Variants in SLC66A1 observed in about 807,000 individuals in gnomAD.
The protein encoded by SLC66A1 is lysosomal amino acid transporter 1 homolog.
SLC66A1 carries 23 observed loss-of-function variants against 33.0 expected under a neutral mutation model. The observed-to-expected ratio is 0.70, with a 90% CI of 0.50 to 0.99. SLC66A1 has a LOEUF of 0.99. SLC66A1 is among the 50% of genes least tolerant of loss of function. SLC66A1 has a pLI of 0.00. For synonymous variants in SLC66A1, 164 were observed against 175.5 expected (o/e 0.93, Z 0.52); for missense variants, 335 against 383.6 (o/e 0.87, Z 1.06).
chr1:19,328,613 C>G lies in SLC66A1; in HGVS notation c.846C>G (p.Ala282=). 1.2e-6 allele frequency: 2 copies of G among 1,613,844 alleles called. No homozygotes were observed. The highest frequency in any genetic ancestry group is 1.1e-5 in the South Asian group (1 of 91,070). Residue 282 remains alanine, a synonymous_variant, in exon 8 of 8, where the codon GCC becomes GCG. Coordinates refer to ENST00000375153, the MANE Select transcript of SLC66A1 (RefSeq NM_001040125.2). The surrounding 1 kb of genome is among the most constrained non-coding windows in gnomAD (Gnocchi z 4.7). ...QFLVYRRSTA[A]SELEPLLPS Reference sequence around the variant, plus strand: ...TGGTGTACAGGCGCAGCACCGCCGCCTCGGAGCTTGAGCCCCTCCTCCCCA... The same window carrying G: ...TGGTGTACAGGCGCAGCACCGCCGCGTCGGAGCTTGAGCCCCTCCTCCCCA...
At chr1:19,325,647 G>GGGGGGC in intron 4 of SLC66A1, 65 bp downstream of exon 4, 1 of 1,190,480 alleles carries the variant, frequency 8.4e-7, no homozygotes, top group Non-Finnish European at 1.2e-6. Context: ...GTGGGGGGGG[G>GGGGGGC]CGCCTGGAGT....
Position 19,325,570 on chromosome 1 carries a change from C to T in SLC66A1, c.370C>T (p.Arg124Cys), listed in dbSNP as rs192798111. The T allele has an allele frequency of 2.3e-5, 37 of 1,599,080 alleles. No homozygotes were observed. In the East Asian group the frequency reaches 2.9e-4, roughly 13 times the overall value. The part of the protein sequence containing the change: ...TLYFYYKFRT[R>C]PSLLSAPINS... ...GTACTTTTACTACAAGTTCAGGACG[C>T]GCCCCTCTCTGTGTGAGTATGGGGA... The change falls in exon 4 of 8, where the codon CGC (arginine) becomes TGC (cysteine). Residue 124 changes from arginine to cysteine, a missense_variant. By Grantham distance (180) the Arg-to-Cys change is radical. Coordinates refer to ENST00000375153, the MANE Select transcript of SLC66A1 (RefSeq NM_001040125.2).
chr1:19,322,650 A>T (rs2093843606), intron 2 of SLC66A1, among the ~76,000 whole-genome samples: 2 of 152,112 alleles, frequency 1.3e-5, no homozygotes, highest in Admixed American at 1.3e-4. Flanking sequence ...GGCCCAGAGG[A>T]GGAACCGACA....
intron 2 of SLC66A1, among the ~76,000 whole-genome samples, chr1:19,319,609 T>TTTTTTG (rs1240208137): frequency 3.4e-5 from 5 of 147,926 alleles, no homozygotes; most frequent in Non-Finnish European, 5.9e-5. Flanking sequence ...ATTCATGTTT[T>TTTTTTG]TTTTTTTTTT....
chr1:19,328,962 A>T lies in SLC66A1; in HGVS notation c.*319A>T. The T allele has an allele frequency of 2.2e-6, 1 of 452,496 alleles. No homozygotes were observed. Among genetic ancestry groups the T allele is most frequent in the Non-Finnish European group, 4.0e-6 (1 of 250,564 alleles). The allele number at this position is 452,496 out of a possible 1,614,324, so 28.0% of individuals were successfully genotyped here. A position where few individuals can be genotyped will look rare whatever the true frequency, so the allele number is the denominator to read the frequency against. Reference sequence around the variant, plus strand: ...CAGGACTGTCCTGTCAACTCCAGACAACTGAATAAACAGGCCGGGTACAGT... The same window carrying T: ...CAGGACTGTCCTGTCAACTCCAGACTACTGAATAAACAGGCCGGGTACAGT... On this transcript the variant is annotated 3_prime_UTR_variant, in exon 8 of 8. Transcript: ENST00000375153. This position sits in a 1 kb window ranked among gnomAD's most constrained non-coding sequence, Gnocchi z 4.7.
At chr1:19,315,375 C>T (rs2093799588) in intron 1 of SLC66A1, among the ~76,000 whole-genome samples, 1 of 152,240 alleles carries the variant, frequency 6.6e-6, no homozygotes, top group South Asian at 2.1e-4. Flanking sequence ...GGAGGTAGTC[C>T]AGTGAGCTGG....
intron 4 of SLC66A1, 62 bp downstream of exon 4, chr1:19,325,644 G>GT: frequency 1.5e-6 from 2 of 1,298,462 alleles, no homozygotes; most frequent in East Asian, 2.4e-5. Flanking sequence ...GTTGTGGGGG[G>GT]GGGCGCCTGG....
intron 1 of SLC66A1, among the ~76,000 whole-genome samples, chr1:19,316,407 CAG>C (rs1389858305): frequency 6.8e-6 from 1 of 147,970 alleles, no homozygotes; most frequent in African/African-American, 2.5e-5. Flanking sequence ...TCTTTTAAGA[CAG>C]GGTTCAGCTC....
At chr1:19,330,722 A>G (rs1473046922), downstream of SLC66A1, among the ~76,000 whole-genome samples, 1 of 152,186 alleles carries the variant, frequency 6.6e-6, no homozygotes, top group Non-Finnish European at 1.5e-5. Flanking sequence ...AGCCACACCA[A>G]TGCCAAGGAC....
chr1:19,327,531 C>G (rs1260800327), intron 7 of SLC66A1, 119 bp downstream of exon 7: 1 of 859,908 alleles, frequency 1.2e-6, no homozygotes, highest in African/African-American at 2.0e-5. Flanking sequence ...ATCCATCCAT[C>G]CCTCCCTCCC....
chr1:19,316,738 C>G (rs2093807851), intron 1 of SLC66A1, among the ~76,000 whole-genome samples: 1 of 151,712 alleles, frequency 6.6e-6, no homozygotes, highest in Admixed American at 6.6e-5. Context: ...GTGATCATGG[C>G]TCTCTATAGC....
In SLC66A1 at chr1:19,325,579, CTG is replaced by C; in HGVS notation, c.382+2_382+3del. On this transcript the variant is annotated frameshift_variant and splice_region_variant, in exon 4 of 8. Coordinates refer to ENST00000375153, the MANE Select transcript of SLC66A1 (RefSeq NM_001040125.2). LOFTEE classifies it high-confidence loss of function. Reference protein sequence around the residue: ...FYYKFRTRPSLLSAPINSVLL... With the variant: ...FYYKFRTRPSXLSAPINSVLL... ...CTACAAGTTCAGGACGCGCCCCTCTCTGTGTGAGTATGGGGACCGCTCTCTGT... is the reference window on the plus strand; with the variant it reads ...CTACAAGTTCAGGACGCGCCCCTCTCTGTGAGTATGGGGACCGCTCTCTGT... 6.5e-7 allele frequency: 1 copy of C among 1,546,120 alleles called. No homozygotes were observed. Among genetic ancestry groups the C allele is most frequent in the South Asian group, 1.1e-5 (1 of 90,222 alleles).
intron 3 of SLC66A1, among the ~76,000 whole-genome samples, chr1:19,325,275 C>T (rs578078344): frequency 2.0e-5 from 3 of 152,366 alleles, no homozygotes; most frequent in South Asian, 2.1e-4. Flanking sequence ...TCATTGGCCC[C>T]TCCTGGGCTA....
chr1:19,319,612 T>G (rs2093823930), intron 2 of SLC66A1, among the ~76,000 whole-genome samples: 1 of 148,548 alleles, frequency 6.7e-6, no homozygotes, highest in Admixed American at 6.7e-5. Context: ...CATGTTTTTT[T>G]TTTTTTTTTG....
chr1:19,328,728 G>A lies in SLC66A1; in HGVS notation c.*85G>A, dbSNP rs1206021804. The A allele has an allele frequency of 6.9e-7, 1 of 1,448,494 alleles. No homozygotes were observed. The highest frequency in any genetic ancestry group is 1.2e-5 in the South Asian group (1 of 83,264). 89.7% of individuals were successfully genotyped at this position (1,448,494 alleles called of 1,614,324 possible). On this transcript the variant is annotated 3_prime_UTR_variant, in exon 8 of 8. Coordinates refer to ENST00000375153, the MANE Select transcript of SLC66A1 (RefSeq NM_001040125.2). This position sits in a 1 kb window ranked among gnomAD's most constrained non-coding sequence, Gnocchi z 4.7. ...AGGTGTGGACAGTGATGGTACGGCG[G>A]CCCTGCATCAGCCTGCGGGTGGCCT...
intron 2 of SLC66A1, among the ~76,000 whole-genome samples, chr1:19,321,446 T>C (rs887115008): frequency 2.7e-5 from 4 of 149,592 alleles, no homozygotes; most frequent in African/African-American, 1.0e-4. Flanking sequence ...TCCAAAGTGT[T>C]GGGGTTCAAG....
rs199786682 is a variant in SLC66A1 at position 19,326,355 on chromosome 1, C to T, written c.493C>T (p.Arg165Trp). 3 of 1,606,136 alleles carry T rather than the reference C, an allele frequency of 1.9e-6. No homozygotes were observed. Among genetic ancestry groups the T allele is most frequent in the South Asian group, 1.1e-5 (1 of 90,874 alleles). ...TGCCCCTAGGGAAGCCTTCCGGGGG[C>T]GGGCGCTCCTGTCCGTGGAGTCGGG... The part of the protein sequence containing the change: ...VAAPREAFRG[R>W]ALLSVESGSK... Residue 165 changes from arginine to tryptophan, a missense_variant, in exon 5 of 8, where the codon CGG becomes TGG. Physicochemically the swap from Arg to Trp is moderately radical, Grantham distance 101 (BLOSUM62 -3). Transcript: ENST00000375153.
At chr1:19,320,552 T>C (rs1380727092) in intron 2 of SLC66A1, among the ~76,000 whole-genome samples, 3 of 151,510 alleles carry the variant, frequency 2.0e-5, no homozygotes, top group Admixed American at 6.6e-5. Context: ...TAGCTGGGAC[T>C]ACAGGCACCT....
chr1:19,321,498 A>C (rs1215847180), intron 2 of SLC66A1, among the ~76,000 whole-genome samples: 1 of 149,574 alleles, frequency 6.7e-6, no homozygotes, highest in Non-Finnish European at 1.5e-5. Context: ...TAAGTGTTAC[A>C]AAGATGTAAC....
Sources: allele counts gnomAD v4.1 joint callset (sites outside exome capture counted in the v4.1 genomes callset), GRCh38; gene constraint gnomAD v4.1.1; non-coding constraint Gnocchi (gnomAD v3.1); transcripts MANE v1.5; gene names NCBI Gene and HGNC (gene_info 2026-07-23, HGNC 2026-07-21).